The following IGF1R variants were observed in gnomAD, a reference collection of about 807,000 sequenced individuals.
IGF1R encodes insulin-like growth factor 1 receptor.
Under a neutral mutation model 144.6 loss-of-function variants are expected in IGF1R, and 44 were observed. The observed-to-expected ratio is 0.30, with a 90% CI of 0.24 to 0.39. The LOEUF (loss-of-function observed/expected upper bound fraction) is 0.39, where lower values mean the gene tolerates loss of function less well. Ranked by LOEUF, IGF1R falls within the 10% of genes least tolerant of loss-of-function variation. The pLI, the probability that IGF1R is intolerant of heterozygous loss-of-function variation, is 1.00. For missense variants in IGF1R, 1,355 were observed against 1,833.7 expected, an observed-to-expected ratio of 0.74 and a Z score of 4.77; for synonymous variants, 795 against 722.8, an observed-to-expected ratio of 1.10 and a Z score of -1.60.
At chr15:98,756,396 T>C (rs1168327234) in intron 2 of IGF1R, among the ~76,000 whole-genome samples, 1 of 152,100 alleles carries the variant, frequency 6.6e-6, no homozygotes, top group African/African-American at 2.4e-5. Context: ...AAGCCTTTTC[T>C]CTGGATTTTG....
chr15:98,921,100 C>T (rs1247101916), intron 10 of IGF1R, among the ~76,000 whole-genome samples: 1 of 152,210 alleles, frequency 6.6e-6, no homozygotes, highest in Non-Finnish European at 1.5e-5. Context: ...TTGCCCCCTG[C>T]CTTTTGCCTA....
At chr15:98,871,107 A>G (rs1007107614) in intron 2 of IGF1R, among the ~76,000 whole-genome samples, 5 of 152,356 alleles carry the variant, frequency 3.3e-5, no homozygotes, top group Non-Finnish European at 7.3e-5. Flanking sequence ...CTTGCAACTC[A>G]GATATCCAGC....
chr15:98,735,344 C>G, intron 2 of IGF1R, among the ~76,000 whole-genome samples: 1 of 152,220 alleles, frequency 6.6e-6, no homozygotes, highest in East Asian at 1.9e-4. Flanking sequence ...GGGGGCTCCC[C>G]GTGACTCTGC....
At position 98,913,214 on chromosome 15, in the gene IGF1R, C is replaced by T; in HGVS notation, c.1760C>T (p.Thr587Ile). 1.2e-6 allele frequency: 2 copies of T among 1,614,210 alleles called. No individual in the cohort carries two copies. Among genetic ancestry groups the T allele is most frequent in the Non-Finnish European group, 1.7e-6 (2 of 1,180,044 alleles). ...YAVYVKAVTLTMVENDHIRGA... is the reference protein window; with the variant it reads ...YAVYVKAVTLIMVENDHIRGA... ...GTTTACGTCAAGGCTGTGACCCTCA[C>T]CATGGTGGAGAACGACCATATCCGT... The change falls in exon 8 of 21, where the codon ACC becomes ATC. Residue 587 changes from threonine (T) to isoleucine (I), a missense_variant. Around this residue, in one of 7 missense-constraint regions of IGF1R, gnomAD observed 880 missense variants for 1,202.7 expected, o/e 0.73. Coordinates refer to ENST00000650285, the MANE Select transcript of IGF1R (RefSeq NM_000875.5).
intron 20 of IGF1R, among the ~76,000 whole-genome samples, chr15:98,950,102 C>T (rs1370342646): frequency 1.3e-5 from 2 of 152,190 alleles, no homozygotes; most frequent in African/African-American, 2.4e-5. Context: ...AAATGCTTTT[C>T]AGGACAGGTT....
At chr15:98,736,617 CT>C (rs969700504) in intron 2 of IGF1R, among the ~76,000 whole-genome samples, 59 of 133,014 alleles carry the variant, frequency 4.4e-4, no homozygotes, top group Admixed American at 7.3e-4. Flanking sequence ...TTTCTTTTTT[CT>C]TTTTTTTTTT....
intron 15 of IGF1R, among the ~76,000 whole-genome samples, chr15:98,932,586 C>T (rs907896599): frequency 6.6e-6 from 1 of 152,194 alleles, no homozygotes; most frequent in African/African-American, 2.4e-5. Context: ...GCAGGCTAAA[C>T]AGTTAATTCT....
At chr15:98,805,557 C>G (rs887205099) in intron 2 of IGF1R, among the ~76,000 whole-genome samples, 1 of 152,072 alleles carries the variant, frequency 6.6e-6, no homozygotes, top group African/African-American at 2.4e-5. Context: ...GCCCGTTGTC[C>G]CCTCCAGCCC....
chr15:98,705,754 G>C (rs559596871), intron 1 of IGF1R, among the ~76,000 whole-genome samples: 71 of 152,192 alleles, frequency 4.7e-4, no homozygotes, highest in African/African-American at 1.6e-3. Context: ...TCCTGCACTG[G>C]GCCACCAGAT....
At chr15:98,765,900 C>G (rs989103490) in intron 2 of IGF1R, among the ~76,000 whole-genome samples, 1 of 152,134 alleles carries the variant, frequency 6.6e-6, no homozygotes, top group Non-Finnish European at 1.5e-5. Flanking sequence ...TGTTGTCCTG[C>G]TAGTGATGAG....
At chr15:98,925,113 G>A (rs984082552) in intron 13 of IGF1R, among the ~76,000 whole-genome samples, 19 of 152,066 alleles carry the variant, frequency 1.2e-4, no homozygotes, top group African/African-American at 3.9e-4. Context: ...CCTAAGGGGT[G>A]TAAGGAACTC....
At position 98,880,114 on chromosome 15, in the gene IGF1R, A is replaced by G. The variant is rs74034268; in HGVS notation, c.641-11211A>G. On this transcript the variant is annotated intron_variant, in intron 2 of 20. Coordinates refer to ENST00000650285, the MANE Select transcript of IGF1R (RefSeq NM_000875.5). Reference sequence around the variant, plus strand: ...ATTGTACACTCTAAATGGGTGAGTTATAGGGTATGTGAATTAGATCTCAAT... The same window carrying G: ...ATTGTACACTCTAAATGGGTGAGTTGTAGGGTATGTGAATTAGATCTCAAT... Among the ~76,000 whole-genome samples, 1,438 of 152,320 alleles carry G rather than the reference A, an allele frequency of 9.4e-3. 19 individuals are homozygous for G. Among genetic ancestry groups the G allele is most frequent in the African/African-American group, 0.032 (1,323 of 41,576 alleles).
At chr15:98,651,925 T>A (rs1159534172) in intron 1 of IGF1R, among the ~76,000 whole-genome samples, 1 of 152,140 alleles carries the variant, frequency 6.6e-6, no homozygotes, top group African/African-American at 2.4e-5. Flanking sequence ...GGGCGTTCAG[T>A]TTTTAGCCGG....
chr15:98,656,080 C>T (rs1229011223), intron 1 of IGF1R, among the ~76,000 whole-genome samples: 1 of 152,190 alleles, frequency 6.6e-6, no homozygotes, highest in Non-Finnish European at 1.5e-5. Flanking sequence ...GGGATGAACA[C>T]CTACGATTGC....
rs1051621238 is a variant in IGF1R at position 98,744,166 on chromosome 15, A to G, written c.640+36059A>G. Among the ~76,000 whole-genome samples, 6 of 151,928 alleles carry G rather than the reference A, an allele frequency of 3.9e-5. No individual in the cohort carries two copies. In the East Asian group the frequency reaches 1.2e-3, roughly 29 times the overall value. On this transcript the variant is annotated intron_variant, in intron 2 of 20. Transcript: ENST00000650285. Reference sequence around the variant, plus strand: ...ACACATGAGATAATTCTGGGGATGGAGCTTAAAGGGACGTCAGCGTTCAAG... The same window carrying G: ...ACACATGAGATAATTCTGGGGATGGGGCTTAAAGGGACGTCAGCGTTCAAG...
At chr15:98,943,782 G>T (rs1481718381) in intron 19 of IGF1R, among the ~76,000 whole-genome samples, 1 of 152,166 alleles carries the variant, frequency 6.6e-6, no homozygotes, top group Non-Finnish European at 1.5e-5. Flanking sequence ...GCTTTCCTCT[G>T]GGGGGATCCC....
chr15:98,884,700 A>G lies in IGF1R; in HGVS notation c.641-6625A>G, dbSNP rs556996199. On this transcript the variant is annotated intron_variant, in intron 2 of 20. Transcript: ENST00000650285. Reference sequence around the variant, plus strand: ...CTCCGTCTCAAAAAAAAAAAAAAAAAAAAAGAAATTCTGTACCCTTCCAGA... The same window carrying G: ...CTCCGTCTCAAAAAAAAAAAAAAAAGAAAAGAAATTCTGTACCCTTCCAGA... Among the ~76,000 whole-genome samples the G allele has an allele frequency of 2.4e-3, 358 of 151,602 alleles. 2 individuals carry two copies. Among genetic ancestry groups the G allele is most frequent in the African/African-American group, 7.5e-3 (312 of 41,362 alleles).
At chr15:98,846,328 T>TC (rs2011326771) in intron 2 of IGF1R, among the ~76,000 whole-genome samples, 1 of 152,214 alleles carries the variant, frequency 6.6e-6, no homozygotes, top group Admixed American at 6.5e-5. Context: ...TATCAAGGTA[T>TC]CATTGGATGC....
At chr15:98,930,091 G>A in intron 14 of IGF1R, 144 bp from the exon 15 acceptor site, 1 of 707,280 alleles carries the variant, frequency 1.4e-6, no homozygotes, top group South Asian at 1.6e-5. Context: ...GTAGACAAGA[G>A]CTGCTGTAGA....
Sources: gnomAD v4.1 joint callset for allele counts (sites outside exome capture counted in the v4.1 genomes callset) on GRCh38, gnomAD v4.1.1 for gene constraint, gnomAD v4.1.1 regional missense constraint, MANE v1.5 for transcripts, NCBI Gene and HGNC (gene_info 2026-07-23, HGNC 2026-07-21) for gene names.